The following B3GAT2 variants were observed in gnomAD, a reference collection of about 807,000 sequenced individuals.
The protein encoded by B3GAT2 is beta-1,3-glucuronyltransferase 2.
In B3GAT2, 26 loss-of-function variants were observed where a neutral mutation model predicts 27.8. The observed-to-expected ratio is 0.93, with a 90% CI of 0.68 to 1.30. B3GAT2 has a LOEUF of 1.30. Ranked by LOEUF, B3GAT2 falls within the 50% of genes most tolerant of loss-of-function variation. B3GAT2 has a pLI of 0.00. For missense variants in B3GAT2, 458 were observed against 459.0 expected, an observed-to-expected ratio of 1.00 and a Z score of 0.02; for synonymous variants, 218 against 195.1, an observed-to-expected ratio of 1.12 and a Z score of -0.98.
intron 2 of B3GAT2, among the ~76,000 whole-genome samples, chr6:70,885,041 C>G (rs1336981456): frequency 3.9e-5 from 6 of 152,330 alleles, no homozygotes; most frequent in African/African-American, 1.4e-4. Context: ...GGCAACAACC[C>G]TTAATCCTAA....
rs1396163416 is a variant in B3GAT2 at position 70,859,959 on chromosome 6, T to C, written c.*1704A>G. On this transcript the variant is annotated 3_prime_UTR_variant, in exon 4 of 4. Transcript: ENST00000230053. ...GGACTCATTAAAATCCCAAGATTGCTTTGGTATTTTTTTTTAAGTAAGTTG... is the reference window on the plus strand; with the variant it reads ...GGACTCATTAAAATCCCAAGATTGCCTTGGTATTTTTTTTTAAGTAAGTTG... The C allele has an allele frequency of 5.2e-6, 2 of 381,376 alleles. No homozygotes were observed. The highest frequency in any genetic ancestry group is 4.3e-5 in the Admixed American group (1 of 23,196). The allele number at this position is 381,376 out of a possible 1,614,324, so 23.6% of individuals were successfully genotyped here. A position where few individuals can be genotyped will look rare whatever the true frequency, so the allele number is the denominator to read the frequency against.
intron 1 of B3GAT2, among the ~76,000 whole-genome samples, chr6:70,910,618 T>G (rs1171611927): frequency 6.6e-6 from 1 of 152,222 alleles, no homozygotes; most frequent in Non-Finnish European, 1.5e-5. Flanking sequence ...CTACTGTGAA[T>G]AGTGCTGCGA....
rs1771600960 is a variant in B3GAT2, at chr6:70,859,453, C to A, written c.*2210G>T. On this transcript the variant is annotated 3_prime_UTR_variant, in exon 4 of 4. Coordinates refer to ENST00000230053, the MANE Select transcript of B3GAT2 (RefSeq NM_080742.3). Reference sequence around the variant, plus strand: ...TGATCTGCTTCTTCAGACACTTATGCCTGATTAGTGATGTAGTTTATGTTA... The same window carrying A: ...TGATCTGCTTCTTCAGACACTTATGACTGATTAGTGATGTAGTTTATGTTA... The A allele has an allele frequency of 3.9e-6, 5 of 1,291,708 alleles. No individual in the cohort carries two copies. The highest frequency in any genetic ancestry group is 1.5e-5 in the African/African-American group (1 of 67,874). The allele number at this position is 1,291,708 out of a possible 1,614,324, so 80.0% of individuals were successfully genotyped here. A position where few individuals can be genotyped will look rare whatever the true frequency, so the allele number is the denominator to read the frequency against.
chr6:70,912,062 T>C (rs1021627592), intron 1 of B3GAT2, among the ~76,000 whole-genome samples: 3 of 152,104 alleles, frequency 2.0e-5, no homozygotes, highest in Non-Finnish European at 4.4e-5. Flanking sequence ...ACTATGGAAT[T>C]TTCTAGGTAT....
In B3GAT2 at chr6:70,956,442, C is replaced by A. The variant is rs1445183082; in HGVS notation, c.-13G>T. The stretch of plus-strand genomic sequence containing the variant: ...GCGCGGACTTCATGGTGCACGCTCC[C>A]TGGCCTCTCGGACACCCCAGAGAGG... On this transcript the variant is annotated 5_prime_UTR_variant, in exon 1 of 4. The change creates a new upstream start codon in the 5' untranslated region. Coordinates refer to ENST00000230053, the MANE Select transcript of B3GAT2 (RefSeq NM_080742.3). 1.9e-6 allele frequency: 3 copies of A among 1,550,772 alleles called. No homozygotes were observed. The highest frequency in any genetic ancestry group is 1.7e-4 in the Middle Eastern group (1 of 5,896).
At chr6:70,870,285 G>C (rs190369295) in intron 2 of B3GAT2, among the ~76,000 whole-genome samples, 1 of 149,992 alleles carries the variant, frequency 6.7e-6, no homozygotes, top group Non-Finnish European at 1.5e-5. Context: ...GCAAACTATC[G>C]CAAGGACAAA....
At chr6:70,939,097 A>G (rs1765344408) in intron 1 of B3GAT2, among the ~76,000 whole-genome samples, 3 of 152,144 alleles carry the variant, frequency 2.0e-5, no homozygotes, top group Admixed American at 1.3e-4. Flanking sequence ...AAGGACATGA[A>G]TAGACACTTC....
At position 70,955,947 on chromosome 6, in the gene B3GAT2, G is replaced by C; in HGVS notation, c.483C>G (p.Asn161Lys). The C allele has an allele frequency of 6.4e-7, 1 of 1,572,540 alleles. No individual in the cohort carries two copies. The highest frequency in any genetic ancestry group is 8.6e-7 in the Non-Finnish European group (1 of 1,161,532). The change falls in exon 1 of 4, where the codon AAC becomes AAG. Residue 161 changes from asparagine to lysine, a missense_variant. Coordinates refer to ENST00000230053, the MANE Select transcript of B3GAT2 (RefSeq NM_080742.3). ...PGLPRATEQR[N>K]AGLAWLRQRH... is the part of the protein sequence containing the mutation. ...TCTGGCGCAGCCAGGCGAGGCCCGC[G>C]TTGCGCTGCTCAGTGGCGCGCGGCA...
chr6:70,915,673 G>A (rs989871162), intron 1 of B3GAT2, among the ~76,000 whole-genome samples: 3 of 149,812 alleles, frequency 2.0e-5, no homozygotes, highest in African/African-American at 7.3e-5. Context: ...ATCCTTTCCC[G>A]ATTTGTTTTT....
Position 70,856,986 on chromosome 6 carries a change from T to TATC in B3GAT2, c.*4674_*4676dup. ...AAACAACTTTCCAAAGACTCCATCT[T>TATC]ATCTCTGTATGGCACAGGAACCATT... On this transcript the variant is annotated 3_prime_UTR_variant, in exon 4 of 4. Coordinates refer to ENST00000230053, the MANE Select transcript of B3GAT2 (RefSeq NM_080742.3). 1 of 1,613,994 alleles carries TATC rather than the reference T, an allele frequency of 6.2e-7. No homozygotes were observed. Among genetic ancestry groups the TATC allele is most frequent in the Non-Finnish European group, 8.5e-7 (1 of 1,179,880 alleles).
chr6:70,894,251 A>C lies in B3GAT2; in HGVS notation c.613T>G (p.Ser205Ala). Reference sequence around the variant, plus strand: ...CCAACCAGGCCCACAGGCCAGACGGAGACCTTGCGGGTGGTTCGCATCTAT... The same window carrying C: ...CCAACCAGGCCCACAGGCCAGACGGCGACCTTGCGGGTGGTTCGCATCTAT... ...FQEMRTTRKV[S>A]VWPVGLVGGR... is the part of the protein sequence containing the mutation. Residue 205 changes from serine to alanine, a missense_variant, in exon 2 of 4, where the codon TCC becomes GCC. By Grantham distance (99) the Ser-to-Ala change is moderately conservative. Transcript: ENST00000230053. 6.2e-7 allele frequency: 1 copy of C among 1,604,190 alleles called. No individual in the cohort carries two copies. Among genetic ancestry groups the C allele is most frequent in the Non-Finnish European group, 8.5e-7 (1 of 1,175,868 alleles).
intron 1 of B3GAT2, among the ~76,000 whole-genome samples, chr6:70,955,175 C>CA (rs568676062): frequency 0.029 from 3,766 of 131,704 alleles, 64 homozygotes; most frequent in East Asian, 0.066. Flanking sequence ...GGTTTTCTTG[C>CA]AAAAAAAAAA....
intron 1 of B3GAT2, among the ~76,000 whole-genome samples, chr6:70,934,689 C>T (rs951582247): frequency 1.1e-4 from 16 of 152,130 alleles, no homozygotes; most frequent in African/African-American, 3.6e-4. Context: ...GTTCAAAAAA[C>T]TGAGAAACAC....
At chr6:70,943,347 A>T (rs1029467024) in intron 1 of B3GAT2, among the ~76,000 whole-genome samples, 3 of 152,198 alleles carry the variant, frequency 2.0e-5, no homozygotes, top group Admixed American at 6.5e-5. Context: ...GGTGAGGAGA[A>T]CCAAGGCTCC....
chr6:70,910,627 G>A (rs573745512), intron 1 of B3GAT2, among the ~76,000 whole-genome samples: 2 of 152,122 alleles, frequency 1.3e-5, no homozygotes, highest in South Asian at 2.1e-4. Flanking sequence ...ATAGTGCTGC[G>A]ATGAACGTGT....
Position 70,860,910 on chromosome 6 carries a change from T to G in B3GAT2, c.*753A>C. The G allele has an allele frequency of 2.6e-6, 1 of 386,394 alleles. No individual in the cohort carries two copies. The highest frequency in any genetic ancestry group is 4.6e-6 in the Non-Finnish European group (1 of 218,294). 23.9% of individuals were successfully genotyped at this position (386,394 alleles called of 1,614,324 possible). On this transcript the variant is annotated 3_prime_UTR_variant, in exon 4 of 4. Coordinates refer to ENST00000230053, the MANE Select transcript of B3GAT2 (RefSeq NM_080742.3). ...ATAAACGTGGATGTTACTCCAAAAC[T>G]TCGTTTAATGAATGCTTAAAGAATT... is the stretch of plus-strand genomic sequence containing the variant.
At chr6:70,941,477 G>T (rs931191983) in intron 1 of B3GAT2, among the ~76,000 whole-genome samples, 1 of 152,022 alleles carries the variant, frequency 6.6e-6, no homozygotes, top group Non-Finnish European at 1.5e-5. Flanking sequence ...CCTCTCACAC[G>T]TGTGAAGAGG....
At chr6:70,878,823 C>T (rs760229835) in intron 2 of B3GAT2, among the ~76,000 whole-genome samples, 3 of 152,010 alleles carry the variant, frequency 2.0e-5, no homozygotes, top group Non-Finnish European at 4.4e-5. Context: ...TTTTAAGGAA[C>T]TGATATTTCT....
intron 1 of B3GAT2, among the ~76,000 whole-genome samples, chr6:70,951,766 C>A (rs961359348): frequency 1.3e-5 from 2 of 152,094 alleles, no homozygotes. Context: ...ATATACATTT[C>A]TATAAAATTC....
Sources: allele counts gnomAD v4.1 joint callset (sites outside exome capture counted in the v4.1 genomes callset), GRCh38; gene constraint gnomAD v4.1.1; transcripts MANE v1.5; gene names NCBI Gene and HGNC (gene_info 2026-07-23, HGNC 2026-07-21).